SPATS2: variants seen among roughly 807,000 people sequenced by gnomAD.
The protein encoded by SPATS2 is spermatogenesis associated serine rich 2, also known as spermatogenesis-associated serine-rich protein 2.
A neutral mutation model predicts 63.7 loss-of-function variants in SPATS2; 38 were observed. The observed-to-expected ratio is 0.60, with a 90% confidence interval of 0.46 to 0.78. The LOEUF is 0.78. Ranked by LOEUF, SPATS2 falls within the 30% of genes least tolerant of loss-of-function variation. The probability of loss-of-function intolerance (pLI) is 0.00; values close to 1 mark genes in which losing one functional copy is unlikely to be tolerated. For missense variants in SPATS2, 588 were observed against 666.2 expected (o/e 0.88, Z 1.29); for synonymous variants, 207 against 232.9 (o/e 0.89, Z 1.01).
chr12:49,379,308 G>A (rs1040030758), intron 2 of SPATS2, among the ~76,000 whole-genome samples: 1 of 150,778 alleles, frequency 6.6e-6, no homozygotes, highest in Admixed American at 6.6e-5. Context: ...AGCACTCTGG[G>A]AGGCTGAGGT....
intron 2 of SPATS2, among the ~76,000 whole-genome samples, chr12:49,442,116 A>G (rs1945429738): frequency 6.6e-6 from 1 of 152,216 alleles, no homozygotes; most frequent in Non-Finnish European, 1.5e-5. Flanking sequence ...AGGATATAAA[A>G]ACTACCTGCC....
At chr12:49,461,729 C>T (rs974282920) in intron 3 of SPATS2, among the ~76,000 whole-genome samples, 2 of 152,142 alleles carry the variant, frequency 1.3e-5, no homozygotes, top group African/African-American at 4.8e-5. Context: ...ATTCATAGAT[C>T]CAGGTCTCAC....
intron 9 of SPATS2, among the ~76,000 whole-genome samples, chr12:49,505,028 T>C (rs1445475583): frequency 6.6e-6 from 1 of 151,808 alleles, no homozygotes; most frequent in Non-Finnish European, 1.5e-5. Context: ...CCTCCCAGAG[T>C]GCTGGGATTA....
At chr12:49,478,532 C>G (rs1946155567) in intron 3 of SPATS2, among the ~76,000 whole-genome samples, 1 of 152,110 alleles carries the variant, frequency 6.6e-6, no homozygotes, top group African/African-American at 2.4e-5. Context: ...TGGCTGTGTT[C>G]AGTCTGAAGG....
At chr12:49,487,500 C>T (rs1483754299) in intron 4 of SPATS2, among the ~76,000 whole-genome samples, 1 of 151,988 alleles carries the variant, frequency 6.6e-6, no homozygotes, top group Non-Finnish European at 1.5e-5. Context: ...AATAAAAAAA[C>T]GGTCAGTGGG....
At chr12:49,449,404 CGG>C (rs1296700827) in intron 2 of SPATS2, among the ~76,000 whole-genome samples, 1 of 152,042 alleles carries the variant, frequency 6.6e-6, no homozygotes, top group African/African-American at 2.4e-5. Flanking sequence ...TTAGTAGAAA[CGG>C]GGTTTCACCA....
rs1177966899 is a variant in SPATS2, at chr12:49,499,395, TTTTGTTTTG to T, written c.704-671_704-663del. Among the ~76,000 whole-genome samples, 70 of 77,770 alleles carry T rather than the reference TTTTGTTTTG, an allele frequency of 9.0e-4. No individual in the cohort carries two copies. In the South Asian group the frequency reaches 0.017, roughly 18 times the overall value. 51.0% of individuals were successfully genotyped at this position (77,770 alleles called of 152,430 possible). ...CTCTGGGGATTGTTCTGCCTGGTTG[TTTTGTTTTG>T]TTTTGTTTTGTTTTGTTTTGTTTTG... On this transcript the variant is annotated intron_variant, in intron 8 of 13. Transcript: ENST00000552918.
chr12:49,455,480 C>T (rs1247035508), intron 2 of SPATS2, among the ~76,000 whole-genome samples: 6 of 151,616 alleles, frequency 4.0e-5, no homozygotes, highest in Admixed American at 3.9e-4. Flanking sequence ...CAGTCATGGC[C>T]CTCTGCAGCC....
intron 2 of SPATS2, chr12:49,390,049 G>A: frequency 3.0e-6 from 3 of 1,016,264 alleles, no homozygotes; most frequent in Non-Finnish European, 4.7e-6. Context: ...AGGCGTTAGA[G>A]AGATCCTATA....
At chr12:49,390,264 T>C in intron 2 of SPATS2, 5 of 685,060 alleles carry the variant, frequency 7.3e-6, no homozygotes, top group Non-Finnish European at 1.2e-5. Flanking sequence ...TTTTTCTCTT[T>C]AAATATGTAC....
At chr12:49,464,224 C>G (rs1220782822) in intron 3 of SPATS2, among the ~76,000 whole-genome samples, 1 of 149,780 alleles carries the variant, frequency 6.7e-6, no homozygotes, top group Non-Finnish European at 1.5e-5. Context: ...CACTTTCCGA[C>G]TGGGTGTGGT....
chr12:49,488,558 T>C (rs1280124555), intron 4 of SPATS2, among the ~76,000 whole-genome samples: 2 of 151,960 alleles, frequency 1.3e-5, no homozygotes, highest in Non-Finnish European at 2.9e-5. Flanking sequence ...CTCAGGAGGC[T>C]GGGGCACGAG....
At chr12:49,431,423 CT>C (rs1258149069) in intron 2 of SPATS2, among the ~76,000 whole-genome samples, 1 of 151,918 alleles carries the variant, frequency 6.6e-6, no homozygotes, top group African/African-American at 2.4e-5. Context: ...TAATCTTTTG[CT>C]TTTTTAGTAG....
At chr12:49,506,026 C>T (rs1364184069) in intron 9 of SPATS2, among the ~76,000 whole-genome samples, 5 of 152,166 alleles carry the variant, frequency 3.3e-5, no homozygotes, top group Non-Finnish European at 7.3e-5. Context: ...TTTTGTTTTT[C>T]ACTTTTAGTG....
chr12:49,448,439 A>G (rs375555957), intron 2 of SPATS2, among the ~76,000 whole-genome samples: 142 of 151,828 alleles, frequency 9.4e-4, no homozygotes, highest in African/African-American at 3.4e-3. Context: ...ACGCCTGGCT[A>G]TTATGTTTTT....
chr12:49,452,041 T>C (rs1945631707), intron 2 of SPATS2, among the ~76,000 whole-genome samples: 1 of 152,222 alleles, frequency 6.6e-6, no homozygotes, highest in South Asian at 2.1e-4. Flanking sequence ...CAAGATCTTC[T>C]GGTTTTGGCT....
chr12:49,514,450 C>CTT lies in SPATS2; in HGVS notation c.840-102_840-101dup. 5.0e-6 allele frequency: 5 copies of CTT among 1,007,314 alleles called. No homozygotes were observed. In the Admixed American group the frequency reaches 1.1e-4, roughly 23 times the overall value. 62.4% of individuals were successfully genotyped at this position (1,007,314 alleles called of 1,614,324 possible). On this transcript the variant is annotated intron_variant, in intron 9 of 13. Coordinates refer to ENST00000552918, the MANE Select transcript of SPATS2 (RefSeq NM_023071.4). ...CCATACAATATTATTTTTTAGTATG[C>CTT]TTTTAGCAAACAAACTCACTGGTCT... is the stretch of plus-strand genomic sequence containing the variant.
At chr12:49,504,632 G>A (rs1946624238) in intron 9 of SPATS2, among the ~76,000 whole-genome samples, 1 of 151,842 alleles carries the variant, frequency 6.6e-6, no homozygotes, top group Non-Finnish European at 1.5e-5. Context: ...AAGAGAAAAA[G>A]ATTATCAAGA....
chr12:49,383,898 TA>T (rs1944265944), intron 2 of SPATS2, among the ~76,000 whole-genome samples: 2 of 152,218 alleles, frequency 1.3e-5, no homozygotes, highest in South Asian at 4.1e-4. Context: ...TGTGCTCTTC[TA>T]AACATTTTGG....
Sources: allele counts gnomAD v4.1 joint callset (sites outside exome capture counted in the v4.1 genomes callset), GRCh38; gene constraint gnomAD v4.1.1; transcripts MANE v1.5; gene names NCBI Gene and HGNC (gene_info 2026-07-23, HGNC 2026-07-21).